Variants in ALCAM observed in about 807,000 individuals in gnomAD.
ALCAM encodes the protein CD166 antigen.
Under a neutral mutation model 70.9 loss-of-function variants are expected in ALCAM, and 30 were observed. That is an observed-to-expected ratio of 0.42 (90% CI 0.32 to 0.57). The LOEUF (loss-of-function observed/expected upper bound fraction) is 0.57. Among genes scored for constraint, ALCAM ranks in the 20% least tolerant of loss-of-function variants. The pLI is 0.11. For missense variants in ALCAM, 591 were observed against 695.1 expected (o/e 0.85, Z 1.68); for synonymous variants, 249 against 242.5 (o/e 1.03, Z -0.25).
intron 1 of ALCAM, among the ~76,000 whole-genome samples, chr3:105,495,980 G>A (rs944857558): frequency 2.0e-5 from 3 of 152,100 alleles, no homozygotes; most frequent in African/African-American, 7.2e-5. Flanking sequence ...CAAGTGCTTA[G>A]CAAAAATGCT....
At chr3:105,519,612 T>A (rs1939476500) in intron 1 of ALCAM, among the ~76,000 whole-genome samples, 1 of 152,050 alleles carries the variant, frequency 6.6e-6, no homozygotes, top group African/African-American at 2.4e-5. Context: ...AGAAGAAAAA[T>A]TTGATAATAT....
chr3:105,460,456 CA>C (rs1439632810), intron 1 of ALCAM, among the ~76,000 whole-genome samples: 2 of 151,908 alleles, frequency 1.3e-5, no homozygotes, highest in African/African-American at 2.4e-5. Flanking sequence ...AGTGCTATTT[CA>C]TAGGCTTTAA....
At chr3:105,520,665 C>T (rs1434762112) in intron 2 of ALCAM, among the ~76,000 whole-genome samples, 7 of 134,020 alleles carry the variant, frequency 5.2e-5, no homozygotes, top group Non-Finnish European at 1.1e-4. Context: ...TTATATTTAA[C>T]GGTGTTGATT....
chr3:105,572,769 T>G (rs556570056), intron 15 of ALCAM, among the ~76,000 whole-genome samples: 1 of 152,158 alleles, frequency 6.6e-6, no homozygotes, highest in African/African-American at 2.4e-5. Flanking sequence ...AAAGGAAACT[T>G]TCGTGACTCA....
In ALCAM at chr3:105,576,816, A is replaced by G. The variant is rs1940969519; in HGVS notation, c.*2365A>G. 6.6e-6 allele frequency: 1 copy of G among 152,160 alleles called. No individual in the cohort carries two copies. Among genetic ancestry groups the G allele is most frequent in the African/African-American group, 2.4e-5 (1 of 41,432 alleles). The allele number at this position is 152,160 out of a possible 1,614,324, so 9.4% of individuals were successfully genotyped here. On this transcript the variant is annotated 3_prime_UTR_variant, in exon 16 of 16. Coordinates refer to ENST00000306107, the MANE Select transcript of ALCAM (RefSeq NM_001627.4). ...TTTGCAAGTTCAAGGTTCACTCCCT[A>G]TATGTGATTATAGGAATTGTTTGTG...
At chr3:105,515,767 T>G (rs1362953500) in intron 1 of ALCAM, among the ~76,000 whole-genome samples, 1 of 152,074 alleles carries the variant, frequency 6.6e-6, no homozygotes, top group Non-Finnish European at 1.5e-5. Flanking sequence ...AATATTTGCA[T>G]TTTCTTTAGA....
chr3:105,549,805 A>C (rs526963), intron 11 of ALCAM, among the ~76,000 whole-genome samples: 22,390 of 151,404 alleles, frequency 0.15, 1,832 homozygotes, highest in Admixed American at 0.27. Context: ...TGGTGTTTAA[A>C]TAGTCACCAA....
chr3:105,398,285 C>G (rs1321679059), intron 1 of ALCAM, among the ~76,000 whole-genome samples: 1 of 152,030 alleles, frequency 6.6e-6, no homozygotes, highest in African/African-American at 2.4e-5. Flanking sequence ...CACTGCAGCT[C>G]CCCCTCTTTC....
chr3:105,458,183 A>T (rs17181561), intron 1 of ALCAM, among the ~76,000 whole-genome samples: 12,341 of 152,224 alleles, frequency 0.081, 618 homozygotes, highest in Non-Finnish European at 0.12. Flanking sequence ...AGCAGGTTAG[A>T]TATATTGCAA....
chr3:105,479,836 C>T (rs111855479), intron 1 of ALCAM, among the ~76,000 whole-genome samples: 2,590 of 152,132 alleles, frequency 0.017, 37 homozygotes, highest in African/African-American at 0.036. Context: ...CCTTAAAATC[C>T]AATTACACAT....
chr3:105,476,985 CA>C (rs1938133930), intron 1 of ALCAM, among the ~76,000 whole-genome samples: 1 of 151,938 alleles, frequency 6.6e-6, no homozygotes, highest in Admixed American at 6.6e-5. Flanking sequence ...ATGGGTTTAT[CA>C]GGGGTTTCTG....
chr3:105,498,907 G>A (rs775162569), intron 1 of ALCAM, among the ~76,000 whole-genome samples: 2 of 152,028 alleles, frequency 1.3e-5, no homozygotes, highest in East Asian at 3.8e-4. Flanking sequence ...GTTCCATCAC[G>A]AACTGCTAAA....
intron 1 of ALCAM, among the ~76,000 whole-genome samples, chr3:105,519,248 T>A (rs1939467873): frequency 6.6e-6 from 1 of 152,058 alleles, no homozygotes; most frequent in Non-Finnish European, 1.5e-5. Context: ...ATATCCAGAT[T>A]TGAATAATGC....
At chr3:105,447,010 T>G (rs1438907787) in intron 1 of ALCAM, among the ~76,000 whole-genome samples, 2 of 152,192 alleles carry the variant, frequency 1.3e-5, no homozygotes. Flanking sequence ...ATTTTGAATG[T>G]TCTCGCCACA....
intron 8 of ALCAM, 122 bp from the exon 9 acceptor site, chr3:105,545,101 C>T (rs1940212091): frequency 2.9e-6 from 2 of 701,278 alleles, no homozygotes; most frequent in East Asian, 5.6e-5. Context: ...TCATATAAAT[C>T]AGTTCTGAAT....
intron 1 of ALCAM, among the ~76,000 whole-genome samples, chr3:105,423,681 A>G (rs530651709): frequency 6.6e-6 from 1 of 151,684 alleles, no homozygotes; most frequent in Non-Finnish European, 1.5e-5. Flanking sequence ...AGAAATTTAT[A>G]CACACACATC....
At chr3:105,529,723 T>A (rs1008882549) in intron 3 of ALCAM, among the ~76,000 whole-genome samples, 6 of 152,096 alleles carry the variant, frequency 3.9e-5, no homozygotes, top group African/African-American at 1.4e-4. Flanking sequence ...AAATAAGGAA[T>A]TTTATAAAGC....
chr3:105,512,259 T>C (rs1013004482), intron 1 of ALCAM, among the ~76,000 whole-genome samples: 1 of 152,034 alleles, frequency 6.6e-6, no homozygotes, highest in Admixed American at 6.6e-5. Context: ...CTGTGAGTTC[T>C]TTCTGAAGAC....
chr3:105,513,847 T>C (rs902795421), intron 1 of ALCAM, among the ~76,000 whole-genome samples: 15 of 151,992 alleles, frequency 9.9e-5, no homozygotes, highest in African/African-American at 2.9e-4. Context: ...TGTGCGCTTA[T>C]GAATTTGGGA....
Sources: allele counts gnomAD v4.1 joint callset (sites outside exome capture counted in the v4.1 genomes callset), GRCh38; gene constraint gnomAD v4.1.1; transcripts MANE v1.5; gene names NCBI Gene and HGNC (gene_info 2026-07-23, HGNC 2026-07-21).